The following RFLNA variants were observed in gnomAD, a reference collection of about 807,000 sequenced individuals.
The protein encoded by RFLNA is refilin-A.
Under a neutral mutation model 7.8 loss-of-function variants are expected in RFLNA, and 5 were observed. The ratio of observed to expected loss-of-function variants is 0.64; its 90% CI spans 0.34 to 1.35. RFLNA has a LOEUF of 1.35. Ranked by LOEUF, RFLNA falls within the 40% of genes most tolerant of loss-of-function variation. The pLI is 0.04. For missense variants in RFLNA, 278 were observed against 305.5 expected (o/e 0.91, Z 0.67); for synonymous variants, 141 against 131.3 (o/e 1.07, Z -0.50).
chr12:124,313,148 C>T (rs73223555), intron 2 of RFLNA, among the ~76,000 whole-genome samples: 1 of 152,174 alleles, frequency 6.6e-6, no homozygotes, highest in African/African-American at 2.4e-5. Context: ...AGAAGCCCAG[C>T]AAGGGTGGAG....
intron 1 of RFLNA, among the ~76,000 whole-genome samples, chr12:124,301,242 T>C (rs1203040193): frequency 6.6e-6 from 1 of 152,188 alleles, no homozygotes; most frequent in African/African-American, 2.4e-5. Flanking sequence ...CCGGGTGAAC[T>C]GGCCTCCAGT....
chr12:124,308,165 A>G (rs1205131881), intron 1 of RFLNA, among the ~76,000 whole-genome samples: 1 of 152,114 alleles, frequency 6.6e-6, no homozygotes, highest in African/African-American at 2.4e-5. Flanking sequence ...TATTTTTAGT[A>G]GAGACAGGGT....
At position 124,295,211 on chromosome 12, in the gene RFLNA, G is replaced by C. The variant is rs924420; in HGVS notation, c.-219G>C. On this transcript the variant is annotated 5_prime_UTR_variant, in exon 1 of 3. Coordinates refer to ENST00000546355, the MANE Select transcript of RFLNA (RefSeq NM_001365156.1). ...AGCCGCGGAGGGCGGAGGGCGGAGG[G>C]CGGCGGCGCTGGCAGGAGCGCGGCC... is the stretch of plus-strand genomic sequence containing the variant. 0.54 allele frequency: 80,913 copies of C among 148,874 alleles called. 24,107 individuals are homozygous for C. Among genetic ancestry groups the C allele is most frequent in the Non-Finnish European group, 0.68 (45,643 of 67,016 alleles). The allele number at this position is 148,874 out of a possible 1,614,324, so 9.2% of individuals were successfully genotyped here.
chr12:124,312,015 T>G, intron 2 of RFLNA, 88 bp downstream of exon 2: 1 of 1,397,728 alleles, frequency 7.2e-7, no homozygotes, highest in Non-Finnish European at 9.4e-7. Context: ...GGGTGGGGAC[T>G]AGGCCAAGCT....
chr12:124,295,392 CG>C lies in RFLNA; in HGVS notation c.-36del. On this transcript the variant is annotated 5_prime_UTR_variant, in exon 1 of 3. Coordinates refer to ENST00000546355, the MANE Select transcript of RFLNA (RefSeq NM_001365156.1). Reference sequence around the variant, plus strand: ...CCCCGGAGCGCGGTGGAGAAGCCCCCGGAGGAGCGGGGGGCCCGCGCCCCGC... The same window carrying C: ...CCCCGGAGCGCGGTGGAGAAGCCCCCGAGGAGCGGGGGGCCCGCGCCCCGC... 1 of 1,175,156 alleles carries C rather than the reference CG, an allele frequency of 8.5e-7. No individual in the cohort carries two copies. Among genetic ancestry groups the C allele is most frequent in the Non-Finnish European group, 1.1e-6 (1 of 939,596 alleles). 72.8% of individuals were successfully genotyped at this position (1,175,156 alleles called of 1,614,324 possible).
At chr12:124,293,669 G>A (rs1199633502), upstream of RFLNA, among the ~76,000 whole-genome samples, 7 of 152,246 alleles carry the variant, frequency 4.6e-5, 1 homozygote, top group South Asian at 1.0e-3. Flanking sequence ...GACTTCCAGC[G>A]TTCTTTCCTG....
chr12:124,291,996 C>G (rs573879724), upstream of RFLNA, among the ~76,000 whole-genome samples: 4 of 152,356 alleles, frequency 2.6e-5, no homozygotes, highest in East Asian at 7.7e-4. Flanking sequence ...ACACGGGACC[C>G]GCTCTTTACG....
intron 1 of RFLNA, among the ~76,000 whole-genome samples, chr12:124,301,289 G>A (rs1049628696): frequency 1.3e-5 from 2 of 152,174 alleles, no homozygotes; most frequent in African/African-American, 4.8e-5. Flanking sequence ...CCCGGTCTCC[G>A]GGGCAGGCTT....
In RFLNA at chr12:124,295,581, GC is replaced by G; in HGVS notation, c.153del (p.Ala52ArgfsTer31). 8.3e-7 allele frequency: 1 copy of G among 1,207,276 alleles called. No individual in the cohort carries two copies. The highest frequency in any genetic ancestry group is 3.3e-5 in the East Asian group (1 of 30,108). 74.8% of individuals were successfully genotyped at this position (1,207,276 alleles called of 1,614,324 possible). A position where few individuals can be genotyped will look rare whatever the true frequency, so the allele number is the denominator to read the frequency against. On this transcript the variant is annotated frameshift_variant, in exon 1 of 3. Transcript: ENST00000546355. LOFTEE classifies it high-confidence loss of function. ...CTGGCGCCCGGCATCCTCGACGCGCGCGCGGGGGGCGCCGGCGCCTCCTCGG... is the reference window on the plus strand; with the variant it reads ...CTGGCGCCCGGCATCCTCGACGCGCGGCGGGGGGCGCCGGCGCCTCCTCGG... ...YSLAPGILDA[R>X]AGGAGASSEP...
chr12:124,308,432 G>A (rs1030996506), intron 1 of RFLNA, among the ~76,000 whole-genome samples: 9 of 131,952 alleles, frequency 6.8e-5, no homozygotes, highest in Non-Finnish European at 1.1e-4. Flanking sequence ...CATGGGCTTT[G>A]GGGGGGGACC....
At chr12:124,294,499 A>G (rs556774134), upstream of RFLNA, among the ~76,000 whole-genome samples, 11 of 152,356 alleles carry the variant, frequency 7.2e-5, no homozygotes, top group South Asian at 1.9e-3. Context: ...AAGAAGGGAA[A>G]GACCGGCAGG....
In RFLNA at chr12:124,306,138, G is replaced by A. The variant is rs752917260; in HGVS notation, c.208-5680G>A. On this transcript the variant is annotated intron_variant, in intron 1 of 2. Transcript: ENST00000546355. This position sits in a 1 kb window ranked among gnomAD's most constrained non-coding sequence, Gnocchi z 5.2. ...GCAGGGGCTGCTTTGCAGGTGTGGGGTCTCCCCTCCCCATAGTGCAGGGGC... is the reference window on the plus strand; with the variant it reads ...GCAGGGGCTGCTTTGCAGGTGTGGGATCTCCCCTCCCCATAGTGCAGGGGC... 1.3e-5 allele frequency among the ~76,000 whole-genome samples: 2 copies of A among 152,020 alleles called. No individual in the cohort carries two copies. The highest frequency in any genetic ancestry group is 2.9e-5 in the Non-Finnish European group (2 of 68,004).
rs767921361 is a variant in RFLNA at position 124,314,214 on chromosome 12, G to A, written c.340G>A (p.Ala114Thr). 5.6e-6 allele frequency: 9 copies of A among 1,612,374 alleles called. No individual in the cohort carries two copies. The highest frequency in any genetic ancestry group is 2.2e-5 in the East Asian group (1 of 44,866). ...EIRCNSEVKY[A>T]SEKHFQDKVF... ...CAGCTGCAACTCTGAGGTCAAGTAC[G>A]CCTCGGAGAAGCATTTCCAGGACAA... Residue 114 changes from alanine (A) to threonine (T), a missense_variant, in exon 3 of 3, where the codon GCC becomes ACC. By Grantham distance (58) the Ala-to-Thr change is moderately conservative (BLOSUM62 0). Coordinates refer to ENST00000546355, the MANE Select transcript of RFLNA (RefSeq NM_001365156.1).
chr12:124,308,461 C>G (rs34533686), intron 1 of RFLNA, among the ~76,000 whole-genome samples: 21,764 of 142,348 alleles, frequency 0.15, 1,583 homozygotes, highest in African/African-American at 0.21. Flanking sequence ...CCCACACTGC[C>G]CTTGTCCTTG....
At position 124,295,565 on chromosome 12, in the gene RFLNA, G is replaced by A. The variant is rs371326304; in HGVS notation, c.136G>A (p.Gly46Ser). The part of the protein sequence containing the change: ...PSPPFYSLAP[G>S]ILDARAGGAG... ...CCCGCCCTTCTACTCCCTGGCGCCC[G>A]GCATCCTCGACGCGCGCGCGGGGGG... Residue 46 changes from glycine (G) to serine (S), a missense_variant, in exon 1 of 3, where the codon GGC becomes AGC. Coordinates refer to ENST00000546355, the MANE Select transcript of RFLNA (RefSeq NM_001365156.1). 36 of 857,450 alleles carry A rather than the reference G, an allele frequency of 4.2e-5. No homozygotes were observed. The East Asian group carries it at 3.7e-3, about 89-fold the overall frequency. The allele number at this position is 857,450 out of a possible 1,614,324, so 53.1% of individuals were successfully genotyped here. A position where few individuals can be genotyped will look rare whatever the true frequency, so the allele number is the denominator to read the frequency against.
In RFLNA at chr12:124,306,897, C is replaced by G. The variant is rs2034146299; in HGVS notation, c.208-4921C>G. Among the ~76,000 whole-genome samples, 1 of 152,156 alleles carries G rather than the reference C, an allele frequency of 6.6e-6. No individual in the cohort carries two copies. The highest frequency in any genetic ancestry group is 2.4e-5 in the African/African-American group (1 of 41,432). ...TCCCGCCCAGCCCGATGTCCACCCT[C>G]CACTCCCTCTGCCCGAGGCCGGTGT... On this transcript the variant is annotated intron_variant, in intron 1 of 2. Coordinates refer to ENST00000546355, the MANE Select transcript of RFLNA (RefSeq NM_001365156.1). This position sits in a 1 kb window ranked among gnomAD's most constrained non-coding sequence, Gnocchi z 5.2.
intron 1 of RFLNA, among the ~76,000 whole-genome samples, chr12:124,300,731 CATGGATGG>C (rs370958661): frequency 0.047 from 5,381 of 115,552 alleles, 151 homozygotes; most frequent in Admixed American, 0.074. Context: ...TGGATGGATG[CATGGATGG>C]ATGGATGGAT....
rs2033888085 is a variant in RFLNA at position 124,295,367 on chromosome 12, C to T, written c.-63C>T. 3.9e-6 allele frequency: 4 copies of T among 1,027,220 alleles called. No homozygotes were observed. Among genetic ancestry groups the T allele is most frequent in the South Asian group, 9.7e-5 (2 of 20,624 alleles). 63.6% of individuals were successfully genotyped at this position (1,027,220 alleles called of 1,614,324 possible). A position where few individuals can be genotyped will look rare whatever the true frequency, so the allele number is the denominator to read the frequency against. ...TCGCCCCGCCGCCGCCTGCCCCGGG[C>T]CCCGGAGCGCGGTGGAGAAGCCCCC... On this transcript the variant is annotated 5_prime_UTR_variant, in exon 1 of 3. Transcript: ENST00000546355.
intron 1 of RFLNA, among the ~76,000 whole-genome samples, chr12:124,298,628 G>A (rs995912516): frequency 1.3e-5 from 2 of 152,222 alleles, no homozygotes; most frequent in African/African-American, 4.8e-5. Flanking sequence ...AGATGCTGAC[G>A]GTCCCTGCCC....
Sources: gnomAD v4.1 joint callset for allele counts (sites outside exome capture counted in the v4.1 genomes callset) on GRCh38, gnomAD v4.1.1 for gene constraint, Gnocchi (gnomAD v3.1) non-coding constraint, MANE v1.5 for transcripts, NCBI Gene and HGNC (gene_info 2026-07-23, HGNC 2026-07-21) for gene names.